Variants in MAPT observed in about 807,000 individuals in gnomAD.
MAPT encodes microtubule associated protein tau.
In MAPT, 34 loss-of-function variants were observed where a neutral mutation model predicts 67.9. The ratio of observed to expected loss-of-function variants is 0.50; its 90% CI spans 0.38 to 0.67. The LOEUF is 0.67. Among genes scored for constraint, MAPT ranks in the 30% least tolerant of loss-of-function variants. The pLI is 0.00. For synonymous variants in MAPT, 456 were observed against 464.5 expected, an observed-to-expected ratio of 0.98 and a Z score of 0.23; for missense variants, 881 against 1,115.2, an observed-to-expected ratio of 0.79 and a Z score of 2.99.
chr17:45,965,404 T>C (rs1381827943), intron 2 of MAPT, among the ~76,000 whole-genome samples: 10 of 150,998 alleles, frequency 6.6e-5, no homozygotes, highest in Non-Finnish European at 1.3e-4. Flanking sequence ...CACTCCAGCC[T>C]GGGTGACAGA....
intron 2 of MAPT, among the ~76,000 whole-genome samples, chr17:45,968,268 A>G (rs1264641651): frequency 6.6e-6 from 1 of 152,180 alleles, no homozygotes; most frequent in Non-Finnish European, 1.5e-5. Context: ...TCTCATGTTC[A>G]GAAAGGCCCC....
intron 1 of MAPT, among the ~76,000 whole-genome samples, chr17:45,917,175 A>C (rs879146870): frequency 6.6e-6 from 1 of 152,054 alleles, no homozygotes; most frequent in Non-Finnish European, 1.5e-5. Flanking sequence ...CTCCTGCCCA[A>C]CTCCTCCTTC....
chr17:46,001,164 G>A (rs191001453), intron 9 of MAPT, among the ~76,000 whole-genome samples: 189 of 152,230 alleles, frequency 1.2e-3, no homozygotes, highest in African/African-American at 4.5e-3. Flanking sequence ...GGGAGGTCAG[G>A]GCTGCAATGA....
intron 1 of MAPT, among the ~76,000 whole-genome samples, chr17:45,958,715 T>A: frequency 7.0e-6 from 1 of 142,364 alleles, no homozygotes; most frequent in Non-Finnish European, 1.6e-5. Context: ...AGTGAGACCC[T>A]GACTTAAAAG....
chr17:46,016,302 G>C (rs1411119442), intron 11 of MAPT, among the ~76,000 whole-genome samples: 1 of 150,920 alleles, frequency 6.6e-6, no homozygotes, highest in Non-Finnish European at 1.5e-5. Context: ...TGAAGCAGGA[G>C]AATCACTTGA....
intron 1 of MAPT, among the ~76,000 whole-genome samples, chr17:45,940,805 A>G (rs972695579): frequency 2.6e-5 from 4 of 152,310 alleles, no homozygotes; most frequent in East Asian, 3.9e-4. Flanking sequence ...AGCCCCCTTA[A>G]GAGGTAATGA....
chr17:45,941,673 C>CCCTTCCCCCCTTCCTT (rs1568207321), intron 1 of MAPT, among the ~76,000 whole-genome samples: 1 of 28,502 alleles, frequency 3.5e-5, no homozygotes, highest in Admixed American at 3.7e-4. Context: ...CCCCCTTCCC[C>CCCTTCCCCCCTTCCTT]CCTTCCCTCC....
chr17:45,894,631 A>G lies in MAPT; in HGVS notation c.-73A>G. On this transcript the variant is annotated 5_prime_UTR_variant, in exon 1 of 13. Coordinates refer to ENST00000262410, the MANE Select transcript of MAPT (RefSeq NM_001377265.1). ...GCCCACCTTCTGCCGCCGCCACCAC[A>G]GCCACCTTCTCCTCCTCCGCTGTCC... The G allele has an allele frequency of 6.5e-6, 1 of 153,842 alleles. No individual in the cohort carries two copies. The highest frequency in any genetic ancestry group is 1.4e-5 in the Non-Finnish European group (1 of 69,290). 9.5% of individuals were successfully genotyped at this position (153,842 alleles called of 1,614,324 possible).
At chr17:45,917,666 A>G (rs2065311523) in intron 1 of MAPT, among the ~76,000 whole-genome samples, 1 of 152,160 alleles carries the variant, frequency 6.6e-6, no homozygotes, top group Non-Finnish European at 1.5e-5. Flanking sequence ...GGGTGAGGGA[A>G]CAGTTCCCAA....
chr17:45,894,900 C>A (rs924722992), intron 1 of MAPT: 2 of 152,272 alleles, frequency 1.3e-5, no homozygotes, highest in African/African-American at 4.8e-5. Context: ...CGCGTGAGTG[C>A]GCGCGTGTGT....
Position 46,005,923 on chromosome 17 carries a change from T to C in MAPT, c.1999-4387T>C, listed in dbSNP as rs147266110. 4.1e-3 allele frequency among the ~76,000 whole-genome samples: 629 copies of C among 152,354 alleles called. 3 individuals are homozygous for C. Among genetic ancestry groups the C allele is most frequent in the Middle Eastern group, 6.8e-3 (2 of 294 alleles). On this transcript the variant is annotated intron_variant, in intron 9 of 12. Coordinates refer to ENST00000262410, the MANE Select transcript of MAPT (RefSeq NM_001377265.1). ...GTGGCTACAAACTCTGAGATCTAGA[T>C]TCTTCTGTGGCTGCTTCTGACCTGA...
At chr17:46,016,843 T>A (rs142612071) in intron 11 of MAPT, among the ~76,000 whole-genome samples, 1 of 152,364 alleles carries the variant, frequency 6.6e-6, no homozygotes, top group African/African-American at 2.4e-5. Flanking sequence ...ATTCTGTATC[T>A]GTGCTGTCCA....
intron 1 of MAPT, among the ~76,000 whole-genome samples, chr17:45,953,101 G>A (rs760285159): frequency 1.9e-4 from 29 of 152,156 alleles, no homozygotes; most frequent in Non-Finnish European, 2.8e-4. Context: ...TGGAGCAAGC[G>A]CCCCTTCTCT....
intron 1 of MAPT, chr17:45,931,731 A>G (rs1050701853): frequency 3.5e-4 from 54 of 152,382 alleles, no homozygotes; most frequent in African/African-American, 1.2e-3. Flanking sequence ...TGTATTTACC[A>G]AGCAAAAATA....
intron 2 of MAPT, among the ~76,000 whole-genome samples, chr17:45,965,430 A>T (rs914335410): frequency 6.7e-6 from 1 of 148,398 alleles, no homozygotes; most frequent in African/African-American, 2.5e-5. Context: ...ACTCCGTCCT[A>T]AAAAAAAAGG....
chr17:45,966,022 C>G (rs982351527), intron 2 of MAPT, among the ~76,000 whole-genome samples: 3 of 152,206 alleles, frequency 2.0e-5, no homozygotes, highest in Admixed American at 2.0e-4. Flanking sequence ...TCCCTTGGAA[C>G]TTCAGTTATT....
In MAPT at chr17:45,987,020, CTTATT is replaced by C; in HGVS notation, c.1352-15_1352-11del. On this transcript the variant is annotated splice_polypyrimidine_tract_variant and intron_variant, in intron 5 of 12. Transcript: ENST00000262410. Reference sequence around the variant, plus strand: ...GTGAAAATGGAGTGTGACAAGCATTCTTATTTTATATTTTATCAGCTCGCATGGTC... The same window carrying C: ...GTGAAAATGGAGTGTGACAAGCATTCTTATATTTTATCAGCTCGCATGGTC... The C allele has an allele frequency of 6.2e-7, 1 of 1,611,228 alleles. No individual in the cohort carries two copies. Among genetic ancestry groups the C allele is most frequent in the Non-Finnish European group, 8.5e-7 (1 of 1,177,702 alleles).
intron 1 of MAPT, among the ~76,000 whole-genome samples, chr17:45,909,162 GGCACACTGGTCATA>G (rs2064559735): frequency 6.6e-6 from 1 of 151,974 alleles, no homozygotes; most frequent in Non-Finnish European, 1.5e-5. Flanking sequence ...GGCAGCCCAG[GGCACACTGGTCATA>G]GCCTTAGACC....
intron 1 of MAPT, among the ~76,000 whole-genome samples, chr17:45,953,113 G>C (rs1388242526): frequency 6.6e-6 from 1 of 152,178 alleles, no homozygotes; most frequent in African/African-American, 2.4e-5. Context: ...CCCTTCTCTG[G>C]CAGGTGCTGG....
Sources: gnomAD v4.1 joint callset for allele counts (sites outside exome capture counted in the v4.1 genomes callset) on GRCh38, gnomAD v4.1.1 for gene constraint, MANE v1.5 for transcripts, NCBI Gene and HGNC (gene_info 2026-07-23, HGNC 2026-07-21) for gene names.